The following SORBS3 variants were observed in gnomAD, a reference collection of about 807,000 sequenced individuals.
SORBS3 encodes the protein sorbin and SH3 domain containing 3.
Under a neutral mutation model 98.0 loss-of-function variants are expected in SORBS3, and 69 were observed. That is an observed-to-expected ratio of 0.70 (90% CI 0.58 to 0.86). The LOEUF (loss-of-function observed/expected upper bound fraction) is 0.86. SORBS3 is among the 40% of genes least tolerant of loss of function. The pLI is 0.00. For synonymous variants in SORBS3, 394 were observed against 355.4 expected (o/e 1.11, Z -1.22); for missense variants, 954 against 908.5 (o/e 1.05, Z -0.64).
Position 22,564,517 on chromosome 8 carries a change from T to G in SORBS3, c.812T>G (p.Ile271Ser). The change falls in exon 10 of 21, where the codon ATT (isoleucine) becomes AGT (serine). Residue 271 changes from isoleucine to serine, a missense_variant. Ile to Ser is a moderately radical substitution (Grantham distance 142). Coordinates refer to ENST00000240123, the MANE Select transcript of SORBS3 (RefSeq NM_005775.5). ...DDPGEKPSQP[I>S]EVLLERELAE... ...CCTGGTGAGAAGCCCTCCCAGCCCATTGAGGTGAGTGCTGCAGGGTGCTGG... is the reference window on the plus strand; with the variant it reads ...CCTGGTGAGAAGCCCTCCCAGCCCAGTGAGGTGAGTGCTGCAGGGTGCTGG... 10 of 1,613,904 alleles carry G rather than the reference T, an allele frequency of 6.2e-6. No homozygotes were observed. Among genetic ancestry groups the G allele is most frequent in the Non-Finnish European group, 7.6e-6 (9 of 1,179,974 alleles).
intron 20 of SORBS3, chr8:22,573,556 G>A (rs1840645500): frequency 2.5e-6 from 1 of 395,502 alleles, no homozygotes; most frequent in Non-Finnish European, 5.0e-6. Flanking sequence ...GCCCATTTTA[G>A]TTAGTGCAGG....
At chr8:22,561,508 C>G (rs1333893393) in intron 6 of SORBS3, 135 bp downstream of exon 6, 3 of 931,580 alleles carry the variant, frequency 3.2e-6, no homozygotes, top group Non-Finnish European at 5.1e-6. Flanking sequence ...GTTTTTATAG[C>G]TCATTTCCAG....
chr8:22,566,457 G>A lies in SORBS3; in HGVS notation c.1063G>A (p.Asp355Asn), dbSNP rs1181259996. The A allele has an allele frequency of 6.2e-7, 1 of 1,613,816 alleles. No individual in the cohort carries two copies. The highest frequency in any genetic ancestry group is 1.7e-5 in the Admixed American group (1 of 59,996). The change falls in exon 13 of 21, where the codon GAC becomes AAC. Residue 355 changes from aspartate (D) to asparagine (N), a missense_variant. Coordinates refer to ENST00000240123, the MANE Select transcript of SORBS3 (RefSeq NM_005775.5). ...AGGAAGCCCCTTCCTAGGTCGGAGG[G>A]ACTTTGTCTACCCTTCCTCAACCCG... is the stretch of plus-strand genomic sequence containing the variant. The part of the protein sequence containing the change: ...DGGSPFLGRR[D>N]FVYPSSTRDP...
At chr8:22,555,043 C>T (rs930303016) in intron 3 of SORBS3, 63 bp downstream of exon 3, 21 of 1,393,616 alleles carry the variant, frequency 1.5e-5, no homozygotes, top group Non-Finnish European at 2.1e-5. Flanking sequence ...TCTGGCACTG[C>T]CCTGTGTCAA....
In SORBS3 at chr8:22,554,854, TCCCCGCAGGTG is replaced by T; in HGVS notation, c.103-5_108del. ...GCCCTGAGCTGCCGCTCCTGGCCCC[TCCCCGCAGGTG>T]CCCGTGATCCGGAATGGTGGCTCCA... On this transcript the variant is annotated splice_acceptor_variant and splice_polypyrimidine_tract_variant and coding_sequence_variant and intron_variant, in exon 3 of 21. Coordinates refer to ENST00000240123, the MANE Select transcript of SORBS3 (RefSeq NM_005775.5). LOFTEE classifies it high-confidence loss of function. The surrounding 1 kb of genome is among the most constrained non-coding windows in gnomAD (Gnocchi z 6.5). 1 of 1,359,662 alleles carries T rather than the reference TCCCCGCAGGTG, an allele frequency of 7.4e-7. No homozygotes were observed. Among genetic ancestry groups the T allele is most frequent in the South Asian group, 1.1e-5 (1 of 87,246 alleles). 84.2% of individuals were successfully genotyped at this position (1,359,662 alleles called of 1,614,324 possible). A position where few individuals can be genotyped will look rare whatever the true frequency, so the allele number is the denominator to read the frequency against.
chr8:22,548,388 G>A, upstream of SORBS3, among the ~76,000 whole-genome samples: 1 of 152,210 alleles, frequency 6.6e-6, no homozygotes, highest in East Asian at 1.9e-4. Context: ...CTGCTGGTAT[G>A]TCCATGTGAC....
In SORBS3 at chr8:22,554,224, T is replaced by A; in HGVS notation, c.-55-228T>A. Reference sequence around the variant, plus strand: ...CTCCCCCACTCCCACCCGGAGCTCCTGCCCTGGGCCTAACAAGTGGTCCAT... The same window carrying A: ...CTCCCCCACTCCCACCCGGAGCTCCAGCCCTGGGCCTAACAAGTGGTCCAT... On this transcript the variant is annotated intron_variant, in intron 1 of 20. Transcript: ENST00000240123. This position sits in a 1 kb window ranked among gnomAD's most constrained non-coding sequence, Gnocchi z 6.5. 9.4e-5 allele frequency: 20 copies of A among 213,000 alleles called. No individual in the cohort carries two copies. The highest frequency in any genetic ancestry group is 2.5e-4 in the East Asian group (2 of 7,942). The allele number at this position is 213,000 out of a possible 1,614,324, so 13.2% of individuals were successfully genotyped here.
At chr8:22,549,496 ATTC>A (rs1456810114), upstream of SORBS3, among the ~76,000 whole-genome samples, 3 of 152,176 alleles carry the variant, frequency 2.0e-5, no homozygotes, top group Non-Finnish European at 4.4e-5. Flanking sequence ...AAGAGAAGGA[ATTC>A]TTCTCTTTAG....
At chr8:22,546,119 G>T (rs747084444) in intron 1 of SORBS3, among the ~76,000 whole-genome samples, 1 of 152,166 alleles carries the variant, frequency 6.6e-6, no homozygotes, top group East Asian at 1.9e-4. Context: ...GTTAAAGAAG[G>T]CGAGGGAAAT....
chr8:22,550,202 T>C (rs1346609148), upstream of SORBS3: 2 of 163,298 alleles, frequency 1.2e-5, no homozygotes, highest in Admixed American at 1.3e-4. Context: ...TGTCCCAGGG[T>C]TCCCCCACTG....
intron 1 of SORBS3, among the ~76,000 whole-genome samples, chr8:22,545,856 C>G (rs902026250): frequency 2.0e-5 from 3 of 152,202 alleles, no homozygotes; most frequent in African/African-American, 7.2e-5. Flanking sequence ...GTGTTTTTGT[C>G]ACAGAACTTT....
rs1840151435 is a variant in SORBS3 at position 22,554,680 on chromosome 8, G to A, written c.102+72G>A. The A allele has an allele frequency of 4.0e-6, 6 of 1,496,960 alleles. No individual in the cohort carries two copies. The highest frequency in any genetic ancestry group is 3.8e-5 in the South Asian group (3 of 79,646). The allele number at this position is 1,496,960 out of a possible 1,614,324, so 92.7% of individuals were successfully genotyped here. A position where few individuals can be genotyped will look rare whatever the true frequency, so the allele number is the denominator to read the frequency against. On this transcript the variant is annotated intron_variant, in intron 2 of 20. Transcript: ENST00000240123. The surrounding 1 kb of genome is among the most constrained non-coding windows in gnomAD (Gnocchi z 6.5). ...GTTGGGACGCTAGCAGGTCAGGTGG[G>A]GGCAGGAGGATGAAAGGGATGGAGG...
intron 7 of SORBS3, among the ~76,000 whole-genome samples, chr8:22,563,548 G>A (rs1234346806): frequency 1.3e-5 from 2 of 152,216 alleles, no homozygotes; most frequent in African/African-American, 2.4e-5. Flanking sequence ...AGAAAGACCA[G>A]CTTCTTCAAA....
At position 22,554,643 on chromosome 8, in the gene SORBS3, G is replaced by T; in HGVS notation, c.102+35G>T. On this transcript the variant is annotated intron_variant, in intron 2 of 20. Coordinates refer to ENST00000240123, the MANE Select transcript of SORBS3 (RefSeq NM_005775.5). This position sits in a 1 kb window ranked among gnomAD's most constrained non-coding sequence, Gnocchi z 6.5. ...TCAGTAGGGAGGAGGGTGTCCTGCGGGCCCGGAGTTGGTTGGGACGCTAGC... is the reference window on the plus strand; with the variant it reads ...TCAGTAGGGAGGAGGGTGTCCTGCGTGCCCGGAGTTGGTTGGGACGCTAGC... The T allele has an allele frequency of 6.3e-7, 1 of 1,585,700 alleles. No homozygotes were observed. The highest frequency in any genetic ancestry group is 1.1e-5 in the South Asian group (1 of 87,852).
At chr8:22,572,680 G>T (rs1840621411) in intron 20 of SORBS3, among the ~76,000 whole-genome samples, 1 of 152,250 alleles carries the variant, frequency 6.6e-6, no homozygotes, top group African/African-American at 2.4e-5. Flanking sequence ...CACCAGTCCA[G>T]GGTCACTGAT....
At chr8:22,557,109 A>G (rs906153212) in intron 4 of SORBS3, among the ~76,000 whole-genome samples, 6 of 152,114 alleles carry the variant, frequency 3.9e-5, no homozygotes, top group African/African-American at 1.4e-4. Context: ...GAGTTGCTCA[A>G]GTGGTTTGTG....
intron 1 of SORBS3, among the ~76,000 whole-genome samples, chr8:22,553,041 C>T (rs747134726): frequency 1.3e-5 from 2 of 152,104 alleles, no homozygotes; most frequent in Non-Finnish European, 2.9e-5. Flanking sequence ...CCAGCCTTGG[C>T]TACACCCTCG....
Position 22,566,553 on chromosome 8 carries a change from G to A in SORBS3, c.1090+69G>A, listed in dbSNP as rs543571916. On this transcript the variant is annotated intron_variant, in intron 13 of 20. Coordinates refer to ENST00000240123, the MANE Select transcript of SORBS3 (RefSeq NM_005775.5). ...CACCAGGCATGTTGGTGCCCCAGGG[G>A]TGGCAGGTCACAGAGCCCCTTGCTT... The A allele has an allele frequency of 1.7e-5, 27 of 1,589,524 alleles. No individual in the cohort carries two copies. In the South Asian group the frequency reaches 2.4e-4, roughly 14 times the overall value.
At chr8:22,548,374 A>C (rs1027280393), upstream of SORBS3, among the ~76,000 whole-genome samples, 1 of 152,200 alleles carries the variant, frequency 6.6e-6, no homozygotes, top group Non-Finnish European at 1.5e-5. Context: ...CATAGTCCAG[A>C]TTCCTGCTGG....
Sources: allele counts gnomAD v4.1 joint callset (sites outside exome capture counted in the v4.1 genomes callset), GRCh38; gene constraint gnomAD v4.1.1; non-coding constraint Gnocchi (gnomAD v3.1); transcripts MANE v1.5; gene names NCBI Gene and HGNC (gene_info 2026-07-23, HGNC 2026-07-21).